Variants in DAB1 observed in about 807,000 individuals in gnomAD.
DAB1 encodes the protein DAB adaptor protein 1, also known as disabled homolog 1.
A neutral mutation model predicts 64.6 loss-of-function variants in DAB1; 15 were observed. The observed-to-expected ratio is 0.23, with a 90% CI of 0.16 to 0.36. The LOEUF is 0.36. DAB1 is among the 10% of genes least tolerant of loss of function. The probability of loss-of-function intolerance (pLI) is 1.00; values close to 1 mark genes in which losing one functional copy is unlikely to be tolerated. For missense variants in DAB1, 596 were observed against 706.7 expected, an observed-to-expected ratio of 0.84 and a Z score of 1.78; for synonymous variants, 235 against 251.9, an observed-to-expected ratio of 0.93 and a Z score of 0.64.
chr1:57,658,653 C>A (rs542175337), intron 6 of DAB1, among the ~76,000 whole-genome samples: 1 of 152,138 alleles, frequency 6.6e-6, no homozygotes, highest in South Asian at 2.1e-4. Context: ...ACCTCCTCCT[C>A]CCAGGTTCAG....
Position 57,108,543 on chromosome 1 carries a change from T to C in DAB1, c.306+28000A>G, listed in dbSNP as rs116812371. ...TCATTACTCTTTTAGCTATTTATTA[T>C]TGTCCTATCTCCTTCATTAAAATGT... On this transcript the variant is annotated intron_variant, in intron 4 of 14. Coordinates refer to ENST00000371236, the MANE Select transcript of DAB1 (RefSeq NM_001365792.1). Among the ~76,000 whole-genome samples, 370 of 152,350 alleles carry C rather than the reference T, an allele frequency of 2.4e-3. 2 individuals are homozygous for C. Among genetic ancestry groups the C allele is most frequent in the African/African-American group, 8.1e-3 (335 of 41,574 alleles).
At chr1:57,116,343 T>G (rs1217321058) in intron 4 of DAB1, among the ~76,000 whole-genome samples, 1 of 149,730 alleles carries the variant, frequency 6.7e-6, no homozygotes, top group Non-Finnish European at 1.5e-5. Flanking sequence ...GCGCCTGTAA[T>G]CCCAGCTACT....
chr1:57,225,944 T>C (rs1435438063), intron 2 of DAB1, among the ~76,000 whole-genome samples: 2 of 152,206 alleles, frequency 1.3e-5, no homozygotes, highest in African/African-American at 4.8e-5. Context: ...GGTTGTCATC[T>C]TATTTGACAT....
chr1:57,599,080 C>A (rs1242498197), intron 7 of DAB1, among the ~76,000 whole-genome samples: 1 of 149,628 alleles, frequency 6.7e-6, no homozygotes, highest in Non-Finnish European at 1.5e-5. Context: ...TACCAGCCAC[C>A]AAGACCCACC....
chr1:57,105,683 C>T (rs1655080403), intron 4 of DAB1, among the ~76,000 whole-genome samples: 1 of 152,108 alleles, frequency 6.6e-6, no homozygotes, highest in Admixed American at 6.6e-5. Flanking sequence ...TAATCTAACC[C>T]TCAAAATATA....
At chr1:57,382,118 A>G (rs923552565) in intron 1 of DAB1, among the ~76,000 whole-genome samples, 1 of 152,184 alleles carries the variant, frequency 6.6e-6, no homozygotes, top group African/African-American at 2.4e-5. Flanking sequence ...GTCTCAGTTG[A>G]GAGACTCACC....
At chr1:58,440,276 A>G (rs1644993842) in intron 3 of DAB1, among the ~76,000 whole-genome samples, 1 of 152,246 alleles carries the variant, frequency 6.6e-6, no homozygotes, top group Non-Finnish European at 1.5e-5. Context: ...AGCACTCACC[A>G]GAACCTACTA....
rs190338220 is a variant in DAB1, at chr1:58,470,676, T to A, written n.257+35384A>T. Among the ~76,000 whole-genome samples the A allele has an allele frequency of 7.2e-5, 11 of 152,306 alleles. No homozygotes were observed. In the South Asian group the frequency reaches 1.7e-3, roughly 23 times the overall value. On this transcript the variant is annotated intron_variant and non_coding_transcript_variant, in intron 3 of 20. Transcript: ENST00000485760. ...ATTGTTTGGGCCCATGCGGTTCTAT[T>A]CCAGAACACGTTTATGATATATTTG...
chr1:57,837,633 C>CA (rs1652864597), intron 1 of DAB1, among the ~76,000 whole-genome samples: 1 of 152,134 alleles, frequency 6.6e-6, no homozygotes, highest in South Asian at 2.1e-4. Flanking sequence ...AGATCATGCA[C>CA]AAAATCCTCA....
chr1:58,030,875 G>A lies in DAB1; in HGVS notation n.387+119636C>T, dbSNP rs146900765. 1.1e-4 allele frequency among the ~76,000 whole-genome samples: 16 copies of A among 152,340 alleles called. No homozygotes were observed. In the East Asian group the frequency reaches 2.3e-3, roughly 22 times the overall value. ...ACATACATATGACTAGGCATGGACG[G>A]CCTTCAAGACATGCAATAACTGGTG... On this transcript the variant is annotated intron_variant and non_coding_transcript_variant, in intron 5 of 20. Transcript: ENST00000485760.
intron 7 of DAB1, among the ~76,000 whole-genome samples, chr1:57,545,047 AG>A (rs1204006954): frequency 6.6e-6 from 1 of 152,168 alleles, no homozygotes; most frequent in Non-Finnish European, 1.5e-5. Flanking sequence ...CATGGCCCAC[AG>A]GGCCCTGTGT....
At chr1:57,003,247 A>C (rs1012482446) in intron 14 of DAB1, among the ~76,000 whole-genome samples, 2 of 152,212 alleles carry the variant, frequency 1.3e-5, no homozygotes, top group Non-Finnish European at 1.5e-5. Flanking sequence ...CTATCTATGA[A>C]TTATGTGCTC....
intron 5 of DAB1, among the ~76,000 whole-genome samples, chr1:57,957,915 G>A (rs1284640811): frequency 6.6e-6 from 1 of 151,896 alleles, no homozygotes; most frequent in South Asian, 2.1e-4. Context: ...GTGGGAAGAA[G>A]TTGAATACAA....
chr1:57,893,941 C>T (rs528980399), intron 5 of DAB1, among the ~76,000 whole-genome samples: 24 of 152,228 alleles, frequency 1.6e-4, no homozygotes, highest in Non-Finnish European at 2.5e-4. Context: ...AACTTGTATA[C>T]AGCCTCCTAG....
At chr1:57,734,607 T>C (rs1391491560) in intron 6 of DAB1, among the ~76,000 whole-genome samples, 1 of 152,226 alleles carries the variant, frequency 6.6e-6, no homozygotes, top group African/African-American at 2.4e-5. Context: ...AGTTGCACAA[T>C]GTGCCTGAAC....
chr1:58,161,118 A>G (rs1404400497), intron 4 of DAB1, among the ~76,000 whole-genome samples: 1 of 152,230 alleles, frequency 6.6e-6, no homozygotes, highest in Non-Finnish European at 1.5e-5. Flanking sequence ...CAGCAAAGGT[A>G]GAACCACAAC....
intron 4 of DAB1, among the ~76,000 whole-genome samples, chr1:57,115,943 T>C (rs1009876033): frequency 3.9e-5 from 6 of 152,148 alleles, no homozygotes; most frequent in African/African-American, 1.4e-4. Flanking sequence ...GGGAAAGTTG[T>C]TCAGCAAGTA....
intron 9 of DAB1, among the ~76,000 whole-genome samples, chr1:57,041,024 C>G (rs537044610): frequency 5.0e-4 from 76 of 152,232 alleles, no homozygotes; most frequent in Middle Eastern, 3.4e-3. Context: ...TTGGAGGGAG[C>G]TGAAATCAAG....
intron 2 of DAB1, among the ~76,000 whole-genome samples, chr1:57,206,112 T>C (rs1319972312): frequency 2.0e-5 from 3 of 152,234 alleles, no homozygotes; most frequent in Non-Finnish European, 4.4e-5. Context: ...GGGAACACAT[T>C]TGAGTATGTC....
Sources: allele counts gnomAD v4.1 joint callset (sites outside exome capture counted in the v4.1 genomes callset), GRCh38; gene constraint gnomAD v4.1.1; transcripts MANE v1.5; gene names NCBI Gene and HGNC (gene_info 2026-07-23, HGNC 2026-07-21).